The following MAGI2 variants were observed in gnomAD, a reference collection of about 807,000 sequenced individuals.
MAGI2 encodes the protein membrane associated guanylate kinase, WW and PDZ domain containing 2, also known as membrane-associated guanylate kinase, WW and PDZ domain-containing protein 2.
A neutral mutation model predicts 133.3 loss-of-function variants in MAGI2; 35 were observed. That is an observed-to-expected ratio of 0.26 (90% CI 0.20 to 0.35). The LOEUF is 0.35. Among genes scored for constraint, MAGI2 ranks in the 10% least tolerant of loss-of-function variants. MAGI2 has a pLI of 1.00. For synonymous variants in MAGI2, 729 were observed against 710.6 expected, an observed-to-expected ratio of 1.03 and a Z score of -0.41; for missense variants, 1,636 against 1,863.4, an observed-to-expected ratio of 0.88 and a Z score of 2.25.
chr7:79,071,381 G>A (rs959905603), intron 1 of MAGI2, among the ~76,000 whole-genome samples: 7 of 152,024 alleles, frequency 4.6e-5, no homozygotes, highest in African/African-American at 1.7e-4. Context: ...TGAGGTGTCT[G>A]TTGGCCCCTG....
At chr7:79,342,602 C>G (rs1840983857) in intron 1 of MAGI2, among the ~76,000 whole-genome samples, 1 of 152,164 alleles carries the variant, frequency 6.6e-6, no homozygotes, top group Non-Finnish European at 1.5e-5. Context: ...TGCGTACTCA[C>G]TTGTAATTTA....
At chr7:78,839,158 G>T (rs768793924) in intron 2 of MAGI2, among the ~76,000 whole-genome samples, 4 of 151,880 alleles carry the variant, frequency 2.6e-5, no homozygotes, top group Non-Finnish European at 5.9e-5. Flanking sequence ...TAAAGGTAGA[G>T]ACTTACAAAT....
At chr7:78,311,562 TAAAGAAACA>T (rs1381586780) in intron 9 of MAGI2, among the ~76,000 whole-genome samples, 1 of 152,126 alleles carries the variant, frequency 6.6e-6, no homozygotes, top group Non-Finnish European at 1.5e-5. Context: ...AATGACAGTA[TAAAGAAACA>T]AAAGAAACAA....
At chr7:78,074,098 C>T (rs939672004) in intron 21 of MAGI2, among the ~76,000 whole-genome samples, 2 of 152,210 alleles carry the variant, frequency 1.3e-5, no homozygotes, top group African/African-American at 2.4e-5. Flanking sequence ...TGCTCCACAA[C>T]CTCTGTGTGC....
intron 6 of MAGI2, among the ~76,000 whole-genome samples, chr7:78,410,765 A>G (rs561154084): frequency 3.6e-4 from 55 of 152,158 alleles, no homozygotes; most frequent in African/African-American, 1.3e-3. Flanking sequence ...GTGAAGAATT[A>G]TGGCAGATTC....
intron 6 of MAGI2, among the ~76,000 whole-genome samples, chr7:78,426,094 A>G (rs1204174552): frequency 6.6e-6 from 1 of 152,218 alleles, no homozygotes; most frequent in Non-Finnish European, 1.5e-5. Context: ...GTATGACCAT[A>G]ATGAATGAAC....
chr7:79,265,531 T>C (rs1045735489), intron 1 of MAGI2, among the ~76,000 whole-genome samples: 1 of 152,206 alleles, frequency 6.6e-6, no homozygotes. Flanking sequence ...TATATACACA[T>C]ACACATTTTC....
chr7:78,905,790 A>G (rs1197426697), intron 2 of MAGI2, among the ~76,000 whole-genome samples: 2 of 152,172 alleles, frequency 1.3e-5, no homozygotes, highest in Admixed American at 6.5e-5. Flanking sequence ...AATTGAATGC[A>G]TTTAGTTTGG....
intron 1 of MAGI2, among the ~76,000 whole-genome samples, chr7:79,233,830 T>C (rs1325052472): frequency 1.3e-5 from 2 of 150,642 alleles, no homozygotes; most frequent in Non-Finnish European, 3.0e-5. Flanking sequence ...AATTTGATCC[T>C]GTCATTATGA....
intron 3 of MAGI2, among the ~76,000 whole-genome samples, chr7:78,528,896 T>C (rs781107075): frequency 6.6e-6 from 1 of 152,048 alleles, no homozygotes; most frequent in Non-Finnish European, 1.5e-5. Context: ...TCAATACTTA[T>C]ACTGAACAGT....
At chr7:79,294,020 T>C (rs914520631) in intron 1 of MAGI2, among the ~76,000 whole-genome samples, 1 of 151,790 alleles carries the variant, frequency 6.6e-6, no homozygotes, top group Non-Finnish European at 1.5e-5. Flanking sequence ...CCTTTTCTAC[T>C]TAAAATATAA....
intron 10 of MAGI2, among the ~76,000 whole-genome samples, chr7:78,249,084 T>C (rs1054679510): frequency 6.6e-6 from 1 of 151,514 alleles, no homozygotes; most frequent in Non-Finnish European, 1.5e-5. Context: ...TCAAAAGACA[T>C]ACGAATGGCT....
At chr7:78,094,286 G>C (rs1012673184) in intron 20 of MAGI2, among the ~76,000 whole-genome samples, 1 of 152,126 alleles carries the variant, frequency 6.6e-6, no homozygotes, top group Non-Finnish European at 1.5e-5. Context: ...CTAGTTTTCT[G>C]TTCTTGGTTC....
intron 5 of MAGI2, 24 bp from the exon 6 acceptor site, chr7:78,489,864 G>A: frequency 1.3e-6 from 2 of 1,555,334 alleles, no homozygotes; most frequent in Non-Finnish European, 1.8e-6. Context: ...AGATCACTCT[G>A]AACAGACACA....
chr7:78,139,382 A>G (rs904605335), intron 16 of MAGI2, among the ~76,000 whole-genome samples: 3 of 152,198 alleles, frequency 2.0e-5, no homozygotes, highest in African/African-American at 7.2e-5. Context: ...CTGACAAGGG[A>G]TGTGCTCAGA....
chr7:78,281,464 T>A (rs895166277), intron 9 of MAGI2, among the ~76,000 whole-genome samples: 2 of 152,128 alleles, frequency 1.3e-5, no homozygotes, highest in Non-Finnish European at 2.9e-5. Context: ...TTCCTGCCAC[T>A]TTGTGAAGTA....
At chr7:78,356,501 A>C (rs1039796821) in intron 7 of MAGI2, among the ~76,000 whole-genome samples, 2 of 152,234 alleles carry the variant, frequency 1.3e-5, no homozygotes, top group Admixed American at 1.3e-4. Context: ...TAAATTATAA[A>C]TGAGATGATG....
At chr7:79,422,774 G>T (rs1284064005) in intron 1 of MAGI2, among the ~76,000 whole-genome samples, 1 of 151,934 alleles carries the variant, frequency 6.6e-6, no homozygotes, top group Non-Finnish European at 1.5e-5. Context: ...GCCCGACTCT[G>T]GGAAGGTTCA....
chr7:78,668,680 G>C lies in MAGI2; in HGVS notation c.419-41441C>G, dbSNP rs540150821. On this transcript the variant is annotated intron_variant, in intron 2 of 21. Coordinates refer to ENST00000354212, the MANE Select transcript of MAGI2 (RefSeq NM_012301.4). ...TTTCCCCATTGCTTGTTTTTCTCAGGTTTGTCAAAATGTAAAAGTACGGAA... is the reference window on the plus strand; with the variant it reads ...TTTCCCCATTGCTTGTTTTTCTCAGCTTTGTCAAAATGTAAAAGTACGGAA... Among the ~76,000 whole-genome samples, 315 of 152,012 alleles carry C rather than the reference G, an allele frequency of 2.1e-3. 2 individuals carry two copies. The highest frequency in any genetic ancestry group is 6.9e-3 in the African/African-American group (288 of 41,470).
Sources: allele counts gnomAD v4.1 joint callset (sites outside exome capture counted in the v4.1 genomes callset), GRCh38; gene constraint gnomAD v4.1.1; transcripts MANE v1.5; gene names NCBI Gene and HGNC (gene_info 2026-07-23, HGNC 2026-07-21).